Variants in PGAP2 observed in about 807,000 individuals in gnomAD.
The protein encoded by PGAP2 is post-GPI attachment to proteins 2.
In PGAP2, 21 loss-of-function variants were observed where a neutral mutation model predicts 33.2. The ratio of observed to expected loss-of-function variants is 0.63; its 90% confidence interval spans 0.45 to 0.91. The LOEUF (loss-of-function observed/expected upper bound fraction) is 0.91. PGAP2 is among the 40% of genes least tolerant of loss of function. The pLI is 0.00. For synonymous variants in PGAP2, 161 were observed against 172.9 expected (o/e 0.93, Z 0.54); for missense variants, 345 against 424.0 (o/e 0.81, Z 1.64).
At chr11:3,823,052 T>C (rs1267714512) in intron 3 of PGAP2, 2 of 626,194 alleles carry the variant, frequency 3.2e-6, no homozygotes, top group African/African-American at 4.2e-5. Flanking sequence ...TTTTTTTTTT[T>C]TTGAGACAGA....
chr11:3,802,074 T>C (rs2083535715), intron 1 of PGAP2, among the ~76,000 whole-genome samples: 1 of 65,486 alleles, frequency 1.5e-5, no homozygotes, highest in African/African-American at 4.1e-5. Context: ...CTTTTCCTTT[T>C]CCTTTTTTTT....
upstream of PGAP2, among the ~76,000 whole-genome samples, chr11:3,803,608 G>T (rs2083834923): frequency 6.7e-6 from 1 of 150,044 alleles, no homozygotes; most frequent in African/African-American, 2.5e-5. Flanking sequence ...TTATATTTTT[G>T]GTAGAGATGA....
At chr11:3,798,705 A>G (rs1382296384) in intron 1 of PGAP2, among the ~76,000 whole-genome samples, 27 of 132,750 alleles carry the variant, frequency 2.0e-4, no homozygotes, top group Non-Finnish European at 6.3e-5. Context: ...GTGCAGTGGC[A>G]CGATCTCGGC....
chr11:3,824,703 C>A, intron 5 of PGAP2: 1 of 952,170 alleles, frequency 1.1e-6, no homozygotes. Context: ...TCCAGCGCCC[C>A]ACCCATGTAC....
At position 3,825,298 on chromosome 11, in the gene PGAP2, CAT is replaced by C. The variant is rs763132232; in HGVS notation, c.818-29_818-28del. The C allele has an allele frequency of 1.9e-5, 30 of 1,606,862 alleles. No homozygotes were observed. The Middle Eastern group carries it at 8.4e-4, about 45-fold the overall frequency. ...TCTGAGCGGGTAGCTGGAAGTTCAC[CAT>C]GTCCTGTTCCTTGTGTCCTCACAAC... On this transcript the variant is annotated intron_variant, in intron 6 of 6. Coordinates refer to ENST00000278243, the MANE Select transcript of PGAP2 (RefSeq NM_014489.4).
intron 3 of PGAP2, 173 bp downstream of exon 3, chr11:3,817,708 A>G (rs755237478): frequency 2.8e-6 from 2 of 706,426 alleles, no homozygotes; most frequent in South Asian, 3.0e-5. Flanking sequence ...AGACTCAGAG[A>G]GAATAGAATC....
At chr11:3,806,213 A>G (rs1178239067), upstream of PGAP2, among the ~76,000 whole-genome samples, 1 of 152,004 alleles carries the variant, frequency 6.6e-6, no homozygotes, top group Non-Finnish European at 1.5e-5. Flanking sequence ...AGGTGTCAAG[A>G]TAGGGAACAA....
At chr11:3,798,635 A>C (rs111256436) in intron 1 of PGAP2, among the ~76,000 whole-genome samples, 34 of 131,322 alleles carry the variant, frequency 2.6e-4, no homozygotes, top group Admixed American at 3.8e-4. Flanking sequence ...CCATGAACTA[A>C]TTTTTTTTTT....
chr11:3,808,140 G>A (rs1224806722), upstream of PGAP2: 2 of 1,453,430 alleles, frequency 1.4e-6, no homozygotes, highest in Non-Finnish European at 1.9e-6. Context: ...GCAAAGTTTG[G>A]GGGAGGGGCG....
chr11:3,823,538 G>A (rs1352142632), intron 3 of PGAP2: 2 of 1,490,282 alleles, frequency 1.3e-6, no homozygotes, highest in Non-Finnish European at 1.8e-6. Flanking sequence ...AACTCACCCA[G>A]GGTCTTAGTG....
intron 1 of PGAP2, among the ~76,000 whole-genome samples, chr11:3,798,739 G>T (rs1305940640): frequency 6.6e-6 from 1 of 151,098 alleles, no homozygotes; most frequent in East Asian, 1.9e-4. Flanking sequence ...CGCCTCCCAG[G>T]TACAAGAGAG....
At chr11:3,808,050 T>G (rs1372853406), upstream of PGAP2, 4 of 1,410,036 alleles carry the variant, frequency 2.8e-6, no homozygotes, top group African/African-American at 1.5e-5. Flanking sequence ...GGCCAGAGTT[T>G]CTGGGATGTG....
At chr11:3,822,942 G>T (rs1332418253) in intron 3 of PGAP2, 1 of 1,519,134 alleles carries the variant, frequency 6.6e-7, no homozygotes, top group Non-Finnish European at 8.9e-7. Flanking sequence ...CAGGCATTAA[G>T]ATGGATGGTG....
Position 3,808,669 on chromosome 11 carries a change from T to TG in PGAP2, c.-11+19dup. The TG allele has an allele frequency of 1.7e-6, 2 of 1,148,882 alleles. No homozygotes were observed. Among genetic ancestry groups the TG allele is most frequent in the Non-Finnish European group, 2.1e-6 (2 of 930,924 alleles). 71.2% of individuals were successfully genotyped at this position (1,148,882 alleles called of 1,614,324 possible). A position where few individuals can be genotyped will look rare whatever the true frequency, so the allele number is the denominator to read the frequency against. Reference sequence around the variant, plus strand: ...CCGCGTGGGTGAGTATGGGCATGGATGTGCTGGGCTGCCGGGCAGCCCCAC... The same window carrying TG: ...CCGCGTGGGTGAGTATGGGCATGGATGGTGCTGGGCTGCCGGGCAGCCCCAC... On this transcript the variant is annotated intron_variant, in intron 1 of 6. Coordinates refer to ENST00000278243, the MANE Select transcript of PGAP2 (RefSeq NM_014489.4).
At chr11:3,821,756 TC>T (rs752464959) in intron 3 of PGAP2, among the ~76,000 whole-genome samples, 2 of 141,990 alleles carry the variant, frequency 1.4e-5, no homozygotes. Flanking sequence ...AGACTCCATC[TC>T]AAAAAAAAAA....
chr11:3,818,060 A>AC (rs1554933395), intron 3 of PGAP2: 16 of 229,094 alleles, frequency 7.0e-5, no homozygotes, highest in East Asian at 6.0e-4. Context: ...AACAAAACAA[A>AC]ATAAAAAAAA....
intron 3 of PGAP2, chr11:3,818,042 G>T: frequency 9.1e-6 from 2 of 219,630 alleles, no homozygotes; most frequent in South Asian, 9.9e-5. Context: ...GTAAAACCCT[G>T]TCTCAAAAAC....
chr11:3,808,978 A>G (rs1278869540), intron 1 of PGAP2, among the ~76,000 whole-genome samples: 1 of 152,170 alleles, frequency 6.6e-6, no homozygotes, highest in African/African-American at 2.4e-5. Context: ...CAGCTGTGCC[A>G]TTTATTAGCC....
At chr11:3,822,160 T>A (rs61899365) in intron 3 of PGAP2, among the ~76,000 whole-genome samples, 30 of 151,364 alleles carry the variant, frequency 2.0e-4, no homozygotes, top group South Asian at 1.0e-3. Flanking sequence ...GTCAGGAGAT[T>A]GAGACCATCC....
Sources: allele counts gnomAD v4.1 joint callset (sites outside exome capture counted in the v4.1 genomes callset), GRCh38; gene constraint gnomAD v4.1.1; transcripts MANE v1.5; gene names NCBI Gene and HGNC (gene_info 2026-07-23, HGNC 2026-07-21).